The following NIPBL variants were observed in gnomAD, a reference collection of about 807,000 sequenced individuals.
NIPBL encodes nipped-B-like protein.
Under a neutral mutation model 321.8 loss-of-function variants are expected in NIPBL, and 19 were observed. That is an observed-to-expected ratio of 0.06 (90% CI 0.04 to 0.09). NIPBL has a LOEUF of 0.09. Among genes scored for constraint, NIPBL ranks in the 10% least tolerant of loss-of-function variants. The pLI, the probability that NIPBL is intolerant of heterozygous loss-of-function variation, is 1.00. For synonymous variants in NIPBL, 1,106 were observed against 1,114.1 expected (o/e 0.99, Z 0.14); for missense variants, 2,210 against 3,327.0 (o/e 0.66, Z 8.26).
chr5:36,908,781 A>G (rs1044443130), intron 1 of NIPBL, among the ~76,000 whole-genome samples: 10 of 152,250 alleles, frequency 6.6e-5, no homozygotes, highest in Non-Finnish European at 1.3e-4. Flanking sequence ...AGTAAGCCAC[A>G]GTATTAAAAA....
At chr5:36,895,323 A>G (rs1746650755) in intron 1 of NIPBL, among the ~76,000 whole-genome samples, 1 of 152,226 alleles carries the variant, frequency 6.6e-6, no homozygotes, top group South Asian at 2.1e-4. Flanking sequence ...AGGACTGAAT[A>G]TACTCCATTG....
Position 36,876,865 on chromosome 5 carries a change from C to G in NIPBL, c.-393C>G, listed in dbSNP as rs1378469818. 12 of 366,250 alleles carry G rather than the reference C, an allele frequency of 3.3e-5. No homozygotes were observed. Among genetic ancestry groups the G allele is most frequent in the Non-Finnish European group, 5.8e-5 (12 of 207,024 alleles). The allele number at this position is 366,250 out of a possible 1,614,324, so 22.7% of individuals were successfully genotyped here. On this transcript the variant is annotated 5_prime_UTR_variant, in exon 1 of 47. Coordinates refer to ENST00000282516, the MANE Select transcript of NIPBL (RefSeq NM_133433.4). The stretch of plus-strand genomic sequence containing the variant: ...CCCTCCCTCCGTCGGTACCGACTCA[C>G]CCGACACCACCAAGCCGCAGGGAGG...
chr5:36,931,265 T>A lies in NIPBL; in HGVS notation c.-79-22353T>A, dbSNP rs138104759. ...TCTTTTGAAGAATTTCCTTTTTTTTTAATATAAGTTGTGTAATTTGTTGGC... is the reference window on the plus strand; with the variant it reads ...TCTTTTGAAGAATTTCCTTTTTTTTAAATATAAGTTGTGTAATTTGTTGGC... On this transcript the variant is annotated intron_variant, in intron 1 of 46. Transcript: ENST00000282516. Among the ~76,000 whole-genome samples, 1,254 of 152,178 alleles carry A rather than the reference T, an allele frequency of 8.2e-3. 13 individuals carry two copies. Among genetic ancestry groups the A allele is most frequent in the African/African-American group, 0.028 (1,184 of 41,550 alleles).
chr5:37,038,429 A>G (rs1268016965), intron 33 of NIPBL, among the ~76,000 whole-genome samples, 173 bp from the exon 34 acceptor site: 4 of 152,026 alleles, frequency 2.6e-5, no homozygotes, highest in Non-Finnish European at 5.9e-5. Flanking sequence ...TTTCTATATC[A>G]AAGAAAAAAT....
chr5:37,042,126 G>A (rs777157188), intron 34 of NIPBL, among the ~76,000 whole-genome samples: 2 of 151,996 alleles, frequency 1.3e-5, no homozygotes, highest in African/African-American at 4.8e-5. Flanking sequence ...TTTAACTAGT[G>A]TGTTAATGCA....
chr5:36,959,281 T>C (rs1741327344), intron 4 of NIPBL, among the ~76,000 whole-genome samples: 1 of 152,234 alleles, frequency 6.6e-6, no homozygotes, highest in South Asian at 2.1e-4. Context: ...TTGGCAGCAC[T>C]TCCATGATGC....
Position 36,985,597 on chromosome 5 carries a change from A to T in NIPBL, c.2417A>T (p.Asp806Val). 7 of 1,613,936 alleles carry T rather than the reference A, an allele frequency of 4.3e-6. No individual in the cohort carries two copies. Among genetic ancestry groups the T allele is most frequent in the Non-Finnish European group, 5.1e-6 (6 of 1,179,962 alleles). Residue 806 changes from aspartate (D) to valine (V), a missense_variant, in exon 10 of 47, where the codon GAT becomes GTT. This residue lies in a region of NIPBL where 588 missense variants were observed against 564.1 expected (regional missense o/e 1.04). Transcript: ENST00000282516. ...GCTGAAGCCTTAAAGCAGAGACCTGATGGGCGATCTGTTTCTGAGTCACTA... is the reference window on the plus strand; with the variant it reads ...GCTGAAGCCTTAAAGCAGAGACCTGTTGGGCGATCTGTTTCTGAGTCACTA... ...ERAEALKQRP[D>V]GRSVSESLRR...
At chr5:36,958,542 A>G (rs573297579) in intron 4 of NIPBL, among the ~76,000 whole-genome samples, 1 of 152,312 alleles carries the variant, frequency 6.6e-6, no homozygotes, top group African/African-American at 2.4e-5. Flanking sequence ...AATTAAATAA[A>G]TATTTGCAAA....
At chr5:36,993,483 G>A (rs1049079848) in intron 10 of NIPBL, among the ~76,000 whole-genome samples, 5 of 152,148 alleles carry the variant, frequency 3.3e-5, no homozygotes, top group African/African-American at 7.2e-5. Flanking sequence ...TTAAAAAGAA[G>A]GAGCAGAGTC....
At chr5:36,885,674 T>C in intron 1 of NIPBL, 1 of 570,362 alleles carries the variant, frequency 1.8e-6, no homozygotes, top group Non-Finnish European at 3.4e-6. Flanking sequence ...TGACAATGCC[T>C]ACCTTGCTGC....
intron 42 of NIPBL, among the ~76,000 whole-genome samples, chr5:37,056,186 A>T (rs1044371375): frequency 2.6e-5 from 4 of 152,126 alleles, no homozygotes; most frequent in African/African-American, 9.7e-5. Flanking sequence ...ACATTTTTTC[A>T]TCTGTAACGT....
intron 32 of NIPBL, among the ~76,000 whole-genome samples, chr5:37,035,402 G>A (rs529052534): frequency 6.6e-6 from 1 of 152,200 alleles, no homozygotes; most frequent in East Asian, 1.9e-4. Flanking sequence ...CTTCAAATTG[G>A]AGGAAAAGGG....
At chr5:36,990,878 G>T (rs1745423858) in intron 10 of NIPBL, among the ~76,000 whole-genome samples, 1 of 151,948 alleles carries the variant, frequency 6.6e-6, no homozygotes, top group South Asian at 2.1e-4. Context: ...TCTTGTGTCT[G>T]TAGAAATAGG....
rs199847583 is a variant in NIPBL at position 37,006,345 on chromosome 5, A to G, written c.3856-12A>G. 3.8e-6 allele frequency: 5 copies of G among 1,332,544 alleles called. No homozygotes were observed. The African/African-American group carries it at 7.2e-5, about 19-fold the overall frequency. The allele number at this position is 1,332,544 out of a possible 1,614,324, so 82.5% of individuals were successfully genotyped here. The stretch of plus-strand genomic sequence containing the variant: ...TGTTTATTTCCATTTCATTAACAAT[A>G]CTGTTTTACAGAATAACGATACTGA... On this transcript the variant is annotated splice_polypyrimidine_tract_variant and intron_variant, in intron 16 of 46. Transcript: ENST00000282516.
chr5:36,958,001 A>AG, intron 3 of NIPBL, 103 bp from the exon 4 acceptor site: 2 of 984,700 alleles, frequency 2.0e-6, no homozygotes, highest in Non-Finnish European at 3.0e-6. Context: ...AAAAAAAAAA[A>AG]TTCATATTGT....
chr5:36,985,862 T>C lies in NIPBL; in HGVS notation c.2682T>C (p.Arg894=), dbSNP rs762876279. The C allele has an allele frequency of 1.1e-5, 17 of 1,613,886 alleles. No homozygotes were observed. The East Asian group carries it at 2.2e-4, about 21-fold the overall frequency. Residue 894 remains arginine, a synonymous_variant, in exon 10 of 47, where the codon CGT becomes CGC. Transcript: ENST00000282516. ...GEQKSRPDSP[R]VKQGDSNKSR... ...AAAAATCAAGACCTGACAGTCCTCG[T>C]GTTAAACAAGGAGATTCTAATAAAT...
intron 1 of NIPBL, among the ~76,000 whole-genome samples, chr5:36,951,707 T>G (rs1473630068): frequency 6.6e-6 from 1 of 152,110 alleles, no homozygotes; most frequent in Non-Finnish European, 1.5e-5. Flanking sequence ...AATTAGTAAT[T>G]TCACAGTGTA....
At chr5:36,957,190 G>T (rs1170802724) in intron 3 of NIPBL, among the ~76,000 whole-genome samples, 2 of 152,082 alleles carry the variant, frequency 1.3e-5, no homozygotes, top group Admixed American at 6.6e-5. Flanking sequence ...CCATGGTTAT[G>T]AATTTAATTT....
intron 1 of NIPBL, among the ~76,000 whole-genome samples, chr5:36,897,051 G>A (rs1746802556): frequency 6.6e-6 from 1 of 151,152 alleles, no homozygotes; most frequent in East Asian, 1.9e-4. Context: ...CACCCGGGCT[G>A]CAGTGCAATG....
Sources: gnomAD v4.1 joint callset for allele counts (sites outside exome capture counted in the v4.1 genomes callset) on GRCh38, gnomAD v4.1.1 for gene constraint, gnomAD v4.1.1 regional missense constraint, MANE v1.5 for transcripts, NCBI Gene and HGNC (gene_info 2026-07-23, HGNC 2026-07-21) for gene names.